The following ATAD1 variants were observed in gnomAD, a reference collection of about 807,000 sequenced individuals.
The protein encoded by ATAD1 is outer mitochondrial transmembrane helix translocase.
In ATAD1, 18 loss-of-function variants were observed where a neutral mutation model predicts 42.7. The ratio of observed to expected loss-of-function variants is 0.42; its 90% CI spans 0.29 to 0.63. The LOEUF (loss-of-function observed/expected upper bound fraction) is 0.63, where lower values mean the gene tolerates loss of function less well. Among genes scored for constraint, ATAD1 ranks in the 20% least tolerant of loss-of-function variants. The pLI is 0.19. For missense variants in ATAD1, 294 were observed against 440.4 expected (o/e 0.67, Z 2.98); for synonymous variants, 132 against 143.1 (o/e 0.92, Z 0.55).
chr10:87,832,537 T>C (rs1209147126), intron 1 of ATAD1, among the ~76,000 whole-genome samples: 1 of 152,138 alleles, frequency 6.6e-6, no homozygotes, highest in Non-Finnish European at 1.5e-5. Context: ...TAGTACAACC[T>C]AAAATCAGGT....
At chr10:87,797,068 A>C (rs1856427710) in intron 2 of ATAD1, among the ~76,000 whole-genome samples, 1 of 152,146 alleles carries the variant, frequency 6.6e-6, no homozygotes, top group Non-Finnish European at 1.5e-5. Context: ...TCAGCCTGAG[A>C]CCTATCCCTG....
At chr10:87,787,881 T>C (rs1855912460) in intron 4 of ATAD1, among the ~76,000 whole-genome samples, 1 of 152,162 alleles carries the variant, frequency 6.6e-6, no homozygotes. Context: ...TTACTCACAA[T>C]TTAAAGAATG....
At chr10:87,820,642 A>G (rs1857614710), upstream of ATAD1, among the ~76,000 whole-genome samples, 1 of 152,230 alleles carries the variant, frequency 6.6e-6, no homozygotes, top group Admixed American at 6.5e-5. Flanking sequence ...GAGGCTGACC[A>G]TAAAGAGTCT....
intron 3 of ATAD1, 99 bp from the exon 4 acceptor site, chr10:87,790,529 T>G: frequency 8.1e-7 from 1 of 1,230,846 alleles, no homozygotes; most frequent in Non-Finnish European, 1.1e-6. Flanking sequence ...CTGATGATTA[T>G]ACATAAATAA....
intron 2 of ATAD1, among the ~76,000 whole-genome samples, chr10:87,802,156 C>T (rs1856728306): frequency 6.6e-6 from 1 of 152,124 alleles, no homozygotes; most frequent in Admixed American, 6.5e-5. Context: ...AATCTGTTTT[C>T]ATTTGTAACA....
intron 1 of ATAD1, chr10:87,832,254 T>C (rs895511654): frequency 6.6e-6 from 1 of 151,898 alleles, no homozygotes; most frequent in African/African-American, 2.4e-5. Flanking sequence ...ATTATCAGGG[T>C]ATGGTGACCC....
chr10:87,829,072 C>A (rs1018900011), intron 1 of ATAD1, among the ~76,000 whole-genome samples: 1 of 152,266 alleles, frequency 6.6e-6, no homozygotes, highest in South Asian at 2.1e-4. Flanking sequence ...ACACATCATC[C>A]ATTCTGCAGT....
In ATAD1 at chr10:87,799,337, T is replaced by A. The variant is rs74482972; in HGVS notation, c.163-6582A>T. ...ATTGTTAATAAATAAGACATTGATA[T>A]TGGTTTAATGAAAATAGCTACATCT... On this transcript the variant is annotated intron_variant, in intron 2 of 9. Transcript: ENST00000680024. Among the ~76,000 whole-genome samples, 1,943 of 152,312 alleles carry A rather than the reference T, an allele frequency of 0.013. 150 individuals are homozygous for A. The East Asian group carries it at 0.22, about 17-fold the overall frequency.
chr10:87,785,560 C>A (rs955225553), intron 4 of ATAD1, among the ~76,000 whole-genome samples: 1 of 150,750 alleles, frequency 6.6e-6, no homozygotes, highest in African/African-American at 2.4e-5. Context: ...CAAAGCTCAA[C>A]TTTTCCTATG....
intron 2 of ATAD1, among the ~76,000 whole-genome samples, chr10:87,804,600 C>T (rs974823997): frequency 5.3e-5 from 8 of 152,084 alleles, no homozygotes; most frequent in African/African-American, 1.9e-4. Context: ...GACCTCCTGA[C>T]CTCAGGTGAT....
intron 2 of ATAD1, among the ~76,000 whole-genome samples, chr10:87,798,040 A>C (rs1367261951): frequency 6.6e-6 from 1 of 152,070 alleles, no homozygotes; most frequent in Non-Finnish European, 1.5e-5. Flanking sequence ...CAGTGGCCTT[A>C]CAAGAAAATC....
rs541365403 is a variant in ATAD1 at position 87,808,965 on chromosome 10, T to C, written c.162+5473A>G. Among the ~76,000 whole-genome samples the C allele has an allele frequency of 2.0e-5, 3 of 152,356 alleles. No individual in the cohort carries two copies. In the South Asian group the frequency reaches 6.2e-4, roughly 32 times the overall value. Reference sequence around the variant, plus strand: ...TAGAAGAATTTGCATAAATTGGTTATTATTAATTTGTTCCTTAAATACTGG... The same window carrying C: ...TAGAAGAATTTGCATAAATTGGTTACTATTAATTTGTTCCTTAAATACTGG... On this transcript the variant is annotated intron_variant, in intron 2 of 9. Transcript: ENST00000680024.
At chr10:87,826,562 A>G (rs1857733545) in intron 1 of ATAD1, among the ~76,000 whole-genome samples, 1 of 152,352 alleles carries the variant, frequency 6.6e-6, no homozygotes, top group South Asian at 2.1e-4. Context: ...GGCTGGCTAA[A>G]AGCAGGTTTA....
At chr10:87,813,905 C>T (rs886792180) in intron 2 of ATAD1, among the ~76,000 whole-genome samples, 1 of 151,820 alleles carries the variant, frequency 6.6e-6, no homozygotes, top group Non-Finnish European at 1.5e-5. Context: ...GTTTTGATGA[C>T]AAACAGAAAC....
intron 6 of ATAD1, among the ~76,000 whole-genome samples, chr10:87,771,995 C>A (rs1168955228): frequency 6.6e-6 from 1 of 152,040 alleles, no homozygotes; most frequent in Non-Finnish European, 1.5e-5. Flanking sequence ...AATCTTATAT[C>A]CTACTTCTAC....
At chr10:87,797,328 A>AC (rs1373015904) in intron 2 of ATAD1, among the ~76,000 whole-genome samples, 4 of 151,894 alleles carry the variant, frequency 2.6e-5, no homozygotes, top group South Asian at 2.1e-4. Context: ...AGGAAAGAAA[A>AC]AAAAACAAAA....
chr10:87,828,228 G>A (rs1306437865), intron 1 of ATAD1, among the ~76,000 whole-genome samples: 1 of 152,034 alleles, frequency 6.6e-6, no homozygotes, highest in African/African-American at 2.4e-5. Context: ...CTCCCAAAAT[G>A]TTGGAATTAC....
At position 87,752,983 on chromosome 10, in the gene ATAD1, C is replaced by T. The variant is rs578174258; in HGVS notation, c.*1704G>A. On this transcript the variant is annotated 3_prime_UTR_variant, in exon 10 of 10. Transcript: ENST00000680024. ...ATATTAAAACAGAAATGACTAGATACTAGGATATGTGCTATAGAAGTGTGA... is the reference window on the plus strand; with the variant it reads ...ATATTAAAACAGAAATGACTAGATATTAGGATATGTGCTATAGAAGTGTGA... 77 of 152,080 alleles carry T rather than the reference C, an allele frequency of 5.1e-4. 1 individual carries two copies. In the South Asian group the frequency reaches 0.015, roughly 30 times the overall value. The allele number at this position is 152,080 out of a possible 1,614,324, so 9.4% of individuals were successfully genotyped here.
At chr10:87,811,938 A>T (rs369646876) in intron 2 of ATAD1, among the ~76,000 whole-genome samples, 13 of 152,220 alleles carry the variant, frequency 8.5e-5, no homozygotes, top group African/African-American at 2.9e-4. Context: ...AAAAGATATT[A>T]TAAGTCTTTG....
Sources: gnomAD v4.1 joint callset for allele counts (sites outside exome capture counted in the v4.1 genomes callset) on GRCh38, gnomAD v4.1.1 for gene constraint, MANE v1.5 for transcripts, NCBI Gene and HGNC (gene_info 2026-07-23, HGNC 2026-07-21) for gene names.